The following BLTP3A variants were observed in gnomAD, a reference collection of about 807,000 sequenced individuals.
BLTP3A encodes bridge-like lipid transfer protein family member 3A.
the BLTP3A span, chr6:34,821,732 G>T: frequency 2.1e-5 from 34 of 1,614,156 alleles, no homozygotes; most frequent in South Asian, 3.2e-4. Context: ...CCTGGAGCTG[G>T]ATGAAGAGGT....
At chr6:34,868,036 G>A in the BLTP3A span, among the ~76,000 whole-genome samples, 3 of 152,328 alleles carry the variant, frequency 2.0e-5, no homozygotes, top group Admixed American at 6.5e-5. Context: ...GGCTGGGCGC[G>A]GGGCTCATGC....
chr6:34,858,270 T>C, the BLTP3A span: 1 of 1,614,242 alleles, frequency 6.2e-7, no homozygotes, highest in Non-Finnish European at 8.5e-7. Flanking sequence ...TCCGGGGTTT[T>C]GCTGCTGCTG....
chr6:34,846,688 A>AT, the BLTP3A span, among the ~76,000 whole-genome samples: 1 of 152,308 alleles, frequency 6.6e-6, no homozygotes, highest in African/African-American at 2.4e-5. Context: ...TTTTTCAAAT[A>AT]TAAGAGATCA....
the BLTP3A span, among the ~76,000 whole-genome samples, chr6:34,842,700 C>G: frequency 6.6e-6 from 1 of 151,980 alleles, no homozygotes; most frequent in Non-Finnish European, 1.5e-5. Context: ...AAATTTTATT[C>G]CTTAGTACTT....
At chr6:34,860,596 A>T in the BLTP3A span, among the ~76,000 whole-genome samples, 1 of 152,216 alleles carries the variant, frequency 6.6e-6, no homozygotes, top group Admixed American at 6.5e-5. Flanking sequence ...TTTGCCTGAC[A>T]AGACACAGTC....
At chr6:34,799,720 T>C in the BLTP3A span, among the ~76,000 whole-genome samples, 1 of 152,176 alleles carries the variant, frequency 6.6e-6, no homozygotes, top group Non-Finnish European at 1.5e-5. Context: ...TTTTTTAGCT[T>C]CTCCAAGTTT....
the BLTP3A span, among the ~76,000 whole-genome samples, chr6:34,807,274 A>G: frequency 6.6e-6 from 1 of 152,138 alleles, no homozygotes; most frequent in Non-Finnish European, 1.5e-5. Flanking sequence ...GTAGGGAAAG[A>G]ATTTGGGCCC....
At chr6:34,870,849 CA>C in the BLTP3A span, 7 of 1,612,924 alleles carry the variant, frequency 4.3e-6, no homozygotes, top group Non-Finnish European at 5.9e-6. Flanking sequence ...TCTTTCTTCA[CA>C]AAGGTACATG....
At chr6:34,812,634 A>ATTT in the BLTP3A span, among the ~76,000 whole-genome samples, 1 of 143,396 alleles carries the variant, frequency 7.0e-6, no homozygotes. Flanking sequence ...CAGCTAATTA[A>ATTT]TTTTTTTTTT....
At chr6:34,834,977 G>T in the BLTP3A span, 1 of 1,288,344 alleles carries the variant, frequency 7.8e-7, no homozygotes, top group Non-Finnish European at 1.1e-6. Flanking sequence ...CAGTTGAAGG[G>T]GGAAGGCCTG....
At chr6:34,855,929 A>G in the BLTP3A span, 1 of 984,130 alleles carries the variant, frequency 1.0e-6, no homozygotes. Context: ...GGAGATATCT[A>G]GTGCCTGAGA....
At chr6:34,871,770 G>A in the BLTP3A span, 1 of 1,611,454 alleles carries the variant, frequency 6.2e-7, no homozygotes, top group Non-Finnish European at 8.5e-7. Flanking sequence ...GGAACTGTTT[G>A]GGAGTTGGCA....
At chr6:34,808,967 TTTTAAACA>T in the BLTP3A span, among the ~76,000 whole-genome samples, 1 of 152,252 alleles carries the variant, frequency 6.6e-6, no homozygotes, top group Non-Finnish European at 1.5e-5. Context: ...TGGTGATTTC[TTTTAAACA>T]TTTAAGAAAT....
the BLTP3A span, chr6:34,870,755 A>T: frequency 7.0e-7 from 1 of 1,428,478 alleles, no homozygotes; most frequent in African/African-American, 1.4e-5. Context: ...GAATGATGAT[A>T]TTCCTTTGAC....
chr6:34,796,367 T>TAA, the BLTP3A span, among the ~76,000 whole-genome samples: 1 of 152,224 alleles, frequency 6.6e-6, no homozygotes, highest in Admixed American at 6.5e-5. Flanking sequence ...ATGCCTACCC[T>TAA]AGGCCAGGCA....
chr6:34,859,469 A>G, the BLTP3A span: 45 of 1,614,008 alleles, frequency 2.8e-5, no homozygotes, highest in Non-Finnish European at 3.6e-5. Context: ...GCCACCATGG[A>G]CCTCACCAAG....
At chr6:34,808,346 C>CAAAAAAAAAAAAAAAAAAAAAA in the BLTP3A span, among the ~76,000 whole-genome samples, 2 of 26,716 alleles carry the variant, frequency 7.5e-5, no homozygotes, top group Admixed American at 5.4e-4. Flanking sequence ...AACTCCGTCT[C>CAAAAAAAAAAAAAAAAAAAAAA]AAAAAAAAAA....
At chr6:34,870,224 AAT>A in the BLTP3A span, among the ~76,000 whole-genome samples, 2 of 152,088 alleles carry the variant, frequency 1.3e-5, no homozygotes, top group Non-Finnish European at 2.9e-5. Context: ...TGTCTCTTGG[AAT>A]ATATGTTTGA....
chr6:34,834,957 C>T, the BLTP3A span: 1 of 1,456,464 alleles, frequency 6.9e-7, no homozygotes, highest in Non-Finnish European at 9.3e-7. Flanking sequence ...TGTTATTGGC[C>T]CTGGAATGAC....
Sources: allele counts gnomAD v4.1 joint callset (sites outside exome capture counted in the v4.1 genomes callset), GRCh38; gene constraint gnomAD v4.1.1; transcripts MANE v1.5; gene names NCBI Gene and HGNC (gene_info 2026-07-23, HGNC 2026-07-21).